The following ZNF567 variants were observed in gnomAD, a reference collection of about 807,000 sequenced individuals.
ZNF567 encodes zinc finger protein 567.
A neutral mutation model predicts 53.9 loss-of-function variants in ZNF567; 36 were observed. The ratio of observed to expected loss-of-function variants is 0.67; its 90% confidence interval spans 0.51 to 0.88. The LOEUF is 0.88. Ranked by LOEUF, ZNF567 falls within the 40% of genes least tolerant of loss-of-function variation. The probability of loss-of-function intolerance (pLI) is 0.00; values close to 1 mark genes in which losing one functional copy is unlikely to be tolerated. For missense variants in ZNF567, 619 were observed against 764.7 expected, an observed-to-expected ratio of 0.81 and a Z score of 2.25; for synonymous variants, 224 against 260.4, an observed-to-expected ratio of 0.86 and a Z score of 1.35.
chr19:36,694,083 G>A (rs2145593509), intron 2 of ZNF567, among the ~76,000 whole-genome samples: 1 of 152,192 alleles, frequency 6.6e-6, no homozygotes, highest in Admixed American at 6.5e-5. Context: ...TAGCTACTTG[G>A]GAGGCTGAGA....
intron 3 of ZNF567, among the ~76,000 whole-genome samples, chr19:36,702,485 G>T (rs1041754895): frequency 6.6e-6 from 1 of 151,826 alleles, no homozygotes; most frequent in African/African-American, 2.4e-5. Context: ...TTGCTAGATT[G>T]GGGAAGTTCT....
intron 2 of ZNF567, among the ~76,000 whole-genome samples, chr19:36,691,703 AAGG>A (rs1175638956): frequency 1.3e-5 from 2 of 152,176 alleles, no homozygotes; most frequent in Admixed American, 1.3e-4. Context: ...TCTCATATAA[AAGG>A]AGTCATGCAG....
At chr19:36,674,551 G>A in the ZNF567 span, among the ~76,000 whole-genome samples, 1,563 of 152,152 alleles carry the variant, frequency 0.01, 31 homozygotes, top group African/African-American at 0.035. Context: ...CTAATATTTC[G>A]GAAGTGAAAT....
chr19:36,701,748 CCCTG>C (rs2039199266), intron 3 of ZNF567, among the ~76,000 whole-genome samples: 1 of 146,990 alleles, frequency 6.8e-6, no homozygotes, highest in Non-Finnish European at 1.5e-5. Flanking sequence ...GGATTGCAAC[CCCTG>C]CCTTTTTTTG....
chr19:36,719,313 C>T lies in ZNF567; in HGVS notation c.589C>T (p.Leu197Phe), dbSNP rs2040205018. Reference protein sequence around the residue: ...SARAFSHNEVLMQYQKTETPA... With the variant: ...SARAFSHNEVFMQYQKTETPA... Reference sequence around the variant, plus strand: ...CAGAGCTTTCAGTCATAATGAAGTTCTTATGCAGTATCAGAAAACGGAAAC... The same window carrying T: ...CAGAGCTTTCAGTCATAATGAAGTTTTTATGCAGTATCAGAAAACGGAAAC... Residue 197 changes from leucine to phenylalanine, a missense_variant, in exon 6 of 6, where the codon CTT becomes TTT. By Grantham distance (22) the Leu-to-Phe change is conservative (BLOSUM62 0). Transcript: ENST00000682579. 1.2e-6 allele frequency: 2 copies of T among 1,612,996 alleles called. No homozygotes were observed. Among genetic ancestry groups the T allele is most frequent in the Non-Finnish European group, 1.7e-6 (2 of 1,179,768 alleles).
chr19:36,685,154 G>C (rs2038241090), upstream of ZNF567, among the ~76,000 whole-genome samples: 1 of 152,152 alleles, frequency 6.6e-6, no homozygotes, highest in South Asian at 2.1e-4. Context: ...CGGACATGGT[G>C]GTGGGCACCT....
intron 2 of ZNF567, among the ~76,000 whole-genome samples, chr19:36,693,680 G>T (rs2038734767): frequency 6.6e-6 from 1 of 152,118 alleles, no homozygotes; most frequent in African/African-American, 2.4e-5. Flanking sequence ...ACTGATAACT[G>T]TAAGGTGATC....
At chr19:36,697,022 G>A (rs1276169351) in intron 3 of ZNF567, among the ~76,000 whole-genome samples, 1 of 152,126 alleles carries the variant, frequency 6.6e-6, no homozygotes, top group East Asian at 1.9e-4. Flanking sequence ...TGCCTTAGAG[G>A]AATGTATATA....
the ZNF567 span, among the ~76,000 whole-genome samples, chr19:36,667,405 G>A: frequency 6.6e-6 from 1 of 151,906 alleles, no homozygotes; most frequent in African/African-American, 2.4e-5. Flanking sequence ...GGGAGGCTGA[G>A]GCAGGAGAAT....
downstream of ZNF567, chr19:36,723,204 T>A: frequency 1.4e-6 from 1 of 702,948 alleles, no homozygotes; most frequent in Non-Finnish European, 2.6e-6. Flanking sequence ...GAGGATGGCC[T>A]AACTGGATGT....
chr19:36,703,312 G>C (rs750909299), intron 3 of ZNF567, among the ~76,000 whole-genome samples: 8 of 151,950 alleles, frequency 5.3e-5, no homozygotes, highest in African/African-American at 1.9e-4. Context: ...GTACCCGGCC[G>C]TGTGAGGTGT....
At chr19:36,678,370 T>C in the ZNF567 span, among the ~76,000 whole-genome samples, 1 of 152,098 alleles carries the variant, frequency 6.6e-6, no homozygotes, top group Non-Finnish European at 1.5e-5. Context: ...TTTCTAATTA[T>C]AAAAGAAATA....
chr19:36,712,572 G>C, intron 4 of ZNF567, 60 bp downstream of exon 4: 3 of 1,602,262 alleles, frequency 1.9e-6, no homozygotes. Flanking sequence ...GTGCCTAATT[G>C]TGTATAATCT....
the ZNF567 span, among the ~76,000 whole-genome samples, chr19:36,680,218 A>G: frequency 1.3e-5 from 2 of 152,284 alleles, no homozygotes; most frequent in South Asian, 2.1e-4. Flanking sequence ...GAAATCTGAA[A>G]TAACAGTTGC....
Position 36,715,509 on chromosome 19 carries a change from AATTATTATTATTATTATT to A in ZNF567, c.223+2661_223+2678del, listed in dbSNP as rs747530916. Among the ~76,000 whole-genome samples the A allele has an allele frequency of 8.7e-5, 4 of 45,824 alleles. No individual in the cohort carries two copies. The East Asian group carries it at 3.0e-3, about 34-fold the overall frequency. 30.1% of individuals were successfully genotyped at this position (45,824 alleles called of 152,430 possible). The stretch of plus-strand genomic sequence containing the variant: ...TAATAATAATAATAATAATAATAAT[AATTATTATTATTATTATT>A]ATTATTATTATTATTATTTGAGATG... On this transcript the variant is annotated intron_variant, in intron 5 of 5. Transcript: ENST00000682579.
chr19:36,710,991 G>A (rs1266641111), intron 3 of ZNF567, among the ~76,000 whole-genome samples: 1 of 152,124 alleles, frequency 6.6e-6, no homozygotes, highest in African/African-American at 2.4e-5. Context: ...GTTTGGCAGA[G>A]TTTATGCTCA....
downstream of ZNF567, chr19:36,727,361 T>G (rs2145943450): frequency 6.7e-6 from 1 of 148,222 alleles, no homozygotes; most frequent in Admixed American, 6.8e-5. Context: ...CATGAGCCAC[T>G]GCGGTTGGCC....
At chr19:36,710,432 C>A (rs8105266) in intron 3 of ZNF567, among the ~76,000 whole-genome samples, 14,520 of 151,980 alleles carry the variant, frequency 0.096, 773 homozygotes, top group African/African-American at 0.15. Flanking sequence ...TGCTAGAAAA[C>A]TGGACATCAT....
the ZNF567 span, among the ~76,000 whole-genome samples, chr19:36,682,122 A>T: frequency 6.6e-6 from 1 of 151,828 alleles, no homozygotes; most frequent in Non-Finnish European, 1.5e-5. Context: ...TAAATTTTTT[A>T]AATTGTCTGG....
Sources: gnomAD v4.1 joint callset for allele counts (sites outside exome capture counted in the v4.1 genomes callset) on GRCh38, gnomAD v4.1.1 for gene constraint, MANE v1.5 for transcripts, NCBI Gene and HGNC (gene_info 2026-07-23, HGNC 2026-07-21) for gene names.